GALNT17: variants seen among roughly 807,000 people sequenced by gnomAD.
GALNT17 encodes polypeptide N-acetylgalactosaminyltransferase 17, also known as UDP-GalNAc:polypeptide N-acetylgalactosaminyltransferase-like 3.
GALNT17 carries 29 observed loss-of-function variants against 63.7 expected under a neutral mutation model. The ratio of observed to expected loss-of-function variants is 0.46; its 90% confidence interval spans 0.34 to 0.62. The LOEUF is 0.62. GALNT17 is among the 20% of genes least tolerant of loss of function. The pLI, the probability that GALNT17 is intolerant of heterozygous loss-of-function variation, is 0.01. For missense variants in GALNT17, 603 were observed against 799.6 expected (o/e 0.75, Z 2.97); for synonymous variants, 305 against 318.3 (o/e 0.96, Z 0.45).
chr7:71,148,390 A>G (rs1788063802), intron 1 of GALNT17, among the ~76,000 whole-genome samples: 1 of 152,182 alleles, frequency 6.6e-6, no homozygotes, highest in African/African-American at 2.4e-5. Flanking sequence ...AGGAAAGAAA[A>G]TGTTTTCCAG....
intron 8 of GALNT17, among the ~76,000 whole-genome samples, chr7:71,670,566 C>A (rs1296348850): frequency 6.6e-6 from 1 of 152,026 alleles, no homozygotes; most frequent in Admixed American, 6.6e-5. Context: ...GAAAGCAAAG[C>A]GATTTTTCTC....
chr7:71,358,889 TCA>T (rs1196008565), intron 2 of GALNT17, among the ~76,000 whole-genome samples: 1 of 152,144 alleles, frequency 6.6e-6, no homozygotes, highest in Non-Finnish European at 1.5e-5. Flanking sequence ...TTCTCCTGCC[TCA>T]GACTCCTGAG....
chr7:71,188,231 T>C (rs1354276107), intron 1 of GALNT17, among the ~76,000 whole-genome samples: 1 of 152,204 alleles, frequency 6.6e-6, no homozygotes, highest in East Asian at 1.9e-4. Context: ...TCTTTTCCTC[T>C]GGGTAGATGC....
chr7:71,382,413 A>T (rs1172729044), intron 2 of GALNT17, among the ~76,000 whole-genome samples: 1 of 152,002 alleles, frequency 6.6e-6, no homozygotes, highest in African/African-American at 2.4e-5. Context: ...AACAAAACAA[A>T]CAAGTGTCCC....
intron 1 of GALNT17, among the ~76,000 whole-genome samples, chr7:71,166,416 T>C (rs1562879206): frequency 6.6e-6 from 1 of 152,210 alleles, no homozygotes; most frequent in African/African-American, 2.4e-5. Context: ...GACATATGCA[T>C]GCACCAGTGA....
rs542175602 is a variant in GALNT17, at chr7:71,648,220, T to A, written c.1081-17191T>A. ...ATGTTAATGAGTGTTCCATACATTATCTCATATTACCTTCACAACAACCCT... is the reference window on the plus strand; with the variant it reads ...ATGTTAATGAGTGTTCCATACATTAACTCATATTACCTTCACAACAACCCT... On this transcript the variant is annotated intron_variant, in intron 6 of 10. Coordinates refer to ENST00000333538, the MANE Select transcript of GALNT17 (RefSeq NM_022479.3). Among the ~76,000 whole-genome samples the A allele has an allele frequency of 2.0e-5, 3 of 152,262 alleles. No homozygotes were observed. In the South Asian group the frequency reaches 6.2e-4, roughly 32 times the overall value.
chr7:71,304,430 C>T (rs1341187469), intron 1 of GALNT17, among the ~76,000 whole-genome samples: 1 of 152,142 alleles, frequency 6.6e-6, no homozygotes, highest in Non-Finnish European at 1.5e-5. Context: ...GGGTAAATTA[C>T]CGTATGATCT....
intron 1 of GALNT17, among the ~76,000 whole-genome samples, chr7:71,224,908 A>G (rs1484782452): frequency 6.6e-6 from 1 of 152,126 alleles, no homozygotes. Context: ...AAAATACTCT[A>G]TTGTTGAAAC....
intron 6 of GALNT17, among the ~76,000 whole-genome samples, chr7:71,593,935 A>C (rs1584076920): frequency 1.3e-5 from 2 of 152,306 alleles, no homozygotes; most frequent in East Asian, 3.9e-4. Flanking sequence ...GCTCTCCTAC[A>C]AGAACAACCA....
chr7:71,634,566 C>G (rs1790501269), intron 6 of GALNT17, among the ~76,000 whole-genome samples: 1 of 151,772 alleles, frequency 6.6e-6, no homozygotes, highest in Admixed American at 6.6e-5. Flanking sequence ...CCAGCCTGAC[C>G]AACATGGTAA....
intron 9 of GALNT17, among the ~76,000 whole-genome samples, chr7:71,700,800 C>T (rs1264166061): frequency 6.6e-6 from 1 of 152,138 alleles, no homozygotes; most frequent in African/African-American, 2.4e-5. Context: ...TTTTATGAAC[C>T]ACCGTGTATT....
chr7:71,148,064 C>T (rs1212611215), intron 1 of GALNT17, among the ~76,000 whole-genome samples: 11 of 152,208 alleles, frequency 7.2e-5, no homozygotes, highest in Non-Finnish European at 2.9e-5. Context: ...TCATCTCTGT[C>T]TTTCCTCAAA....
intron 2 of GALNT17, among the ~76,000 whole-genome samples, chr7:71,340,955 T>C (rs1791995834): frequency 6.6e-6 from 1 of 152,122 alleles, no homozygotes; most frequent in African/African-American, 2.4e-5. Flanking sequence ...GGAGAATTGC[T>C]TGAACCTAGG....
chr7:71,672,871 C>G (rs1791090975), intron 8 of GALNT17, among the ~76,000 whole-genome samples: 1 of 151,964 alleles, frequency 6.6e-6, no homozygotes, highest in African/African-American at 2.4e-5. Context: ...AATAAAACAT[C>G]CTCAAAGAAA....
chr7:71,476,209 C>T (rs759813514), intron 5 of GALNT17, among the ~76,000 whole-genome samples: 1 of 152,146 alleles, frequency 6.6e-6, no homozygotes, highest in Non-Finnish European at 1.5e-5. Flanking sequence ...CATGATTGTG[C>T]CACAGAGGTT....
chr7:71,388,821 C>A (rs1792999230), intron 3 of GALNT17, among the ~76,000 whole-genome samples: 1 of 152,104 alleles, frequency 6.6e-6, no homozygotes, highest in African/African-American at 2.4e-5. Flanking sequence ...GCCACCGTGC[C>A]CGGCCCAAGA....
intron 2 of GALNT17, among the ~76,000 whole-genome samples, chr7:71,377,113 AAATATAT>A (rs1792752274): frequency 1.3e-4 from 11 of 82,038 alleles, no homozygotes; most frequent in East Asian, 3.5e-4. Flanking sequence ...AAAATAAAAA[AAATATAT>A]ATATATATAT....
At chr7:71,275,127 A>T (rs780866478) in intron 1 of GALNT17, among the ~76,000 whole-genome samples, 1 of 152,190 alleles carries the variant, frequency 6.6e-6, no homozygotes, top group Non-Finnish European at 1.5e-5. Flanking sequence ...ATCTTGGAAA[A>T]TGGCTTAATC....
At chr7:71,485,168 C>T (rs556580254) in intron 5 of GALNT17, among the ~76,000 whole-genome samples, 2 of 150,730 alleles carry the variant, frequency 1.3e-5, no homozygotes, top group South Asian at 4.2e-4. Flanking sequence ...TGCAGTGGCA[C>T]CATCATAGCT....
Sources: allele counts gnomAD v4.1 joint callset (sites outside exome capture counted in the v4.1 genomes callset), GRCh38; gene constraint gnomAD v4.1.1; transcripts MANE v1.5; gene names NCBI Gene and HGNC (gene_info 2026-07-23, HGNC 2026-07-21).